LIPI: variants seen among roughly 807,000 people sequenced by gnomAD.
LIPI encodes lipase member I.
Under a neutral mutation model 50.6 loss-of-function variants are expected in LIPI, and 59 were observed. That is an observed-to-expected ratio of 1.16 (90% CI 0.94 to 1.45). The LOEUF is 1.45. Among genes scored for constraint, LIPI ranks in the 40% most tolerant of loss-of-function variants. The probability of loss-of-function intolerance (pLI) is 0.00; values close to 1 mark genes in which losing one functional copy is unlikely to be tolerated. For synonymous variants in LIPI, 203 were observed against 178.2 expected (o/e 1.14, Z -1.11); for missense variants, 586 against 536.3 (o/e 1.09, Z -0.92).
At chr21:14,141,044 G>A (rs2017687866) in intron 9 of LIPI, among the ~76,000 whole-genome samples, 1 of 152,224 alleles carries the variant, frequency 6.6e-6, no homozygotes, top group African/African-American at 2.4e-5. Flanking sequence ...CATCATCAAA[G>A]TTTTAAAATA....
chr21:14,208,620 TCG>T, intron 1 of LIPI, among the ~76,000 whole-genome samples: 1 of 151,870 alleles, frequency 6.6e-6, no homozygotes, highest in South Asian at 2.1e-4. Context: ...AAAGTTGTAT[TCG>T]TGCACGTGCA....
chr21:14,147,941 T>G (rs961402820), intron 8 of LIPI, among the ~76,000 whole-genome samples: 30 of 152,144 alleles, frequency 2.0e-4, no homozygotes, highest in Admixed American at 6.6e-5. Flanking sequence ...GCCTCCTATC[T>G]CACGTCTTGC....
intron 9 of LIPI, among the ~76,000 whole-genome samples, chr21:14,116,210 G>A (rs2016630513): frequency 6.6e-6 from 1 of 152,136 alleles, no homozygotes; most frequent in African/African-American, 2.4e-5. Flanking sequence ...GACAGTGTGT[G>A]AAAGAGATGG....
chr21:14,178,012 A>G (rs2019152268), intron 4 of LIPI, among the ~76,000 whole-genome samples: 2 of 152,134 alleles, frequency 1.3e-5, no homozygotes, highest in Non-Finnish European at 2.9e-5. Context: ...CTTTCACCAT[A>G]TGGAAGCAAT....
chr21:14,170,576 A>G (rs948557083), intron 4 of LIPI, among the ~76,000 whole-genome samples: 2 of 152,230 alleles, frequency 1.3e-5, no homozygotes, highest in African/African-American at 4.8e-5. Flanking sequence ...AAATCAATAA[A>G]TGTAATCCAG....
At position 14,110,934 on chromosome 21, in the gene LIPI, C is replaced by G. The variant is rs926927003; in HGVS notation, c.1296-1854G>C. On this transcript the variant is annotated intron_variant, in intron 9 of 9. Transcript: ENST00000681601. ...TATTTTTAATATATATAGTATATAC[C>G]ATATACTATATATATATAATATACA... Among the ~76,000 whole-genome samples, 9 of 146,848 alleles carry G rather than the reference C, an allele frequency of 6.1e-5. No homozygotes were observed. In the South Asian group the frequency reaches 1.9e-3, roughly 31 times the overall value.
intron 7 of LIPI, among the ~76,000 whole-genome samples, chr21:14,158,408 T>C (rs80121198): frequency 0.034 from 5,095 of 151,074 alleles, 98 homozygotes; most frequent in Admixed American, 0.038. Context: ...ATACAACATA[T>C]CAAAACACAT....
At chr21:14,137,424 A>G (rs2017540211) in intron 9 of LIPI, among the ~76,000 whole-genome samples, 1 of 152,198 alleles carries the variant, frequency 6.6e-6, no homozygotes, top group East Asian at 1.9e-4. Flanking sequence ...GAAACTCTGG[A>G]GCTAAAAAAT....
intron 7 of LIPI, among the ~76,000 whole-genome samples, chr21:14,153,141 T>A (rs957403730): frequency 5.9e-5 from 9 of 152,260 alleles, no homozygotes; most frequent in African/African-American, 2.2e-4. Context: ...TGACTGTGAA[T>A]ATATATATAA....
chr21:14,177,182 T>C (rs919136220), intron 4 of LIPI, among the ~76,000 whole-genome samples: 4 of 152,140 alleles, frequency 2.6e-5, no homozygotes, highest in African/African-American at 9.6e-5. Context: ...TCTTTGTGAG[T>C]TCAAAGTTTT....
intron 1 of LIPI, 36 bp from the exon 2 acceptor site, chr21:14,189,455 G>C: frequency 6.3e-7 from 1 of 1,589,198 alleles, no homozygotes; most frequent in South Asian, 1.1e-5. Flanking sequence ...CTGAGTACTG[G>C]GATAGTATTT....
intron 1 of LIPI, among the ~76,000 whole-genome samples, chr21:14,192,100 A>T (rs758178926): frequency 6.6e-6 from 1 of 152,180 alleles, no homozygotes; most frequent in Non-Finnish European, 1.5e-5. Context: ...TTATTTTGGC[A>T]TTATTGTGAC....
chr21:14,111,749 T>C (rs2016422334), intron 9 of LIPI, among the ~76,000 whole-genome samples: 2 of 152,120 alleles, frequency 1.3e-5, no homozygotes, highest in African/African-American at 4.8e-5. Flanking sequence ...TTTAGTCCAT[T>C]TGGAGTTGAA....
At chr21:14,132,914 T>G (rs2017349822) in intron 9 of LIPI, among the ~76,000 whole-genome samples, 1 of 152,074 alleles carries the variant, frequency 6.6e-6, no homozygotes, top group Non-Finnish European at 1.5e-5. Context: ...GGGAGTAAAC[T>G]TCTAGAAACA....
intron 9 of LIPI, among the ~76,000 whole-genome samples, chr21:14,139,695 A>C (rs1453884107): frequency 1.3e-5 from 2 of 152,182 alleles, no homozygotes; most frequent in Non-Finnish European, 2.9e-5. Context: ...TTGATAGTGG[A>C]AGAGCTGCTG....
intron 4 of LIPI, among the ~76,000 whole-genome samples, chr21:14,174,010 A>G (rs2019008434): frequency 6.6e-6 from 1 of 152,188 alleles, no homozygotes; most frequent in South Asian, 2.1e-4. Flanking sequence ...TTAAAACAAG[A>G]AAAAAATTTA....
At chr21:14,140,668 T>C (rs1170392208) in intron 9 of LIPI, among the ~76,000 whole-genome samples, 1 of 152,124 alleles carries the variant, frequency 6.6e-6, no homozygotes, top group African/African-American at 2.4e-5. Context: ...CATATCAAAG[T>C]CTTTTTCACT....
chr21:14,152,629 C>A lies in LIPI; in HGVS notation c.1062G>T (p.Ser354=). 1 of 1,590,726 alleles carries A rather than the reference C, an allele frequency of 6.3e-7. No homozygotes were observed. The highest frequency in any genetic ancestry group is 8.6e-7 in the Non-Finnish European group (1 of 1,160,306). The change falls in exon 8 of 10, where the codon TCG becomes TCT. Residue 354 remains serine (S), a synonymous_variant. Coordinates refer to ENST00000681601, the MANE Select transcript of LIPI (RefSeq NM_001302998.2). ...GCTGATTTAATAATTTAAATGAAAA[C>A]GAGCCATCCATCATAGTTTTATCTG... ...IVPDKTMMDG[S]FSFKLLNQLG...
intron 1 of LIPI, among the ~76,000 whole-genome samples, chr21:14,192,747 C>G (rs958725166): frequency 3.3e-5 from 5 of 152,126 alleles, no homozygotes; most frequent in African/African-American, 1.2e-4. Flanking sequence ...ATTCCATATC[C>G]AACAAAATTG....
Sources: gnomAD v4.1 joint callset for allele counts (sites outside exome capture counted in the v4.1 genomes callset) on GRCh38, gnomAD v4.1.1 for gene constraint, MANE v1.5 for transcripts, NCBI Gene and HGNC (gene_info 2026-07-23, HGNC 2026-07-21) for gene names.